Variants in NTRK3 observed in about 807,000 individuals in gnomAD.
NTRK3 encodes the protein neurotrophic receptor tyrosine kinase 3.
NTRK3 carries 24 observed loss-of-function variants against 91.7 expected under a neutral mutation model. The observed-to-expected ratio is 0.26, with a 90% CI of 0.19 to 0.37. The LOEUF is 0.37. Among genes scored for constraint, NTRK3 ranks in the 10% least tolerant of loss-of-function variants. The pLI is 1.00. For synonymous variants in NTRK3, 483 were observed against 404.0 expected, an observed-to-expected ratio of 1.20 and a Z score of -2.34; for missense variants, 880 against 1,068.9, an observed-to-expected ratio of 0.82 and a Z score of 2.46.
intron 14 of NTRK3, among the ~76,000 whole-genome samples, chr15:88,003,983 G>A (rs2076302214): frequency 6.6e-6 from 1 of 151,946 alleles, no homozygotes; most frequent in Non-Finnish European, 1.5e-5. Context: ...CCTGCTTCAG[G>A]GCCACGCACC....
At chr15:87,956,177 T>G (rs1317483150) in intron 14 of NTRK3, among the ~76,000 whole-genome samples, 1 of 152,166 alleles carries the variant, frequency 6.6e-6, no homozygotes, top group East Asian at 1.9e-4. Flanking sequence ...AGATGGAAAC[T>G]GATTTTTCAT....
chr15:88,092,531 C>T (rs2049117454), intron 13 of NTRK3, among the ~76,000 whole-genome samples: 1 of 152,214 alleles, frequency 6.6e-6, no homozygotes, highest in Admixed American at 6.5e-5. Flanking sequence ...ACAAGCCAGA[C>T]TGGCCAGAGG....
intron 10 of NTRK3, among the ~76,000 whole-genome samples, chr15:88,130,997 T>C (rs2041279899): frequency 6.6e-6 from 1 of 152,258 alleles, no homozygotes; most frequent in African/African-American, 2.4e-5. Flanking sequence ...TGTATGATTT[T>C]GTAACTTTTT....
chr15:88,135,001 A>T (rs1001723356), intron 10 of NTRK3, 100 bp downstream of exon 10: 1 of 1,371,390 alleles, frequency 7.3e-7, no homozygotes. Flanking sequence ...TGATAACAGT[A>T]TGAGTACTGA....
chr15:87,869,612 G>C, exon 19 of NTRK3: 1 of 209,616 alleles, frequency 4.8e-6, no homozygotes, highest in South Asian at 1.9e-4. Flanking sequence ...TGAGAAGCTG[G>C]ATTGTCAGTC....
intron 3 of NTRK3, among the ~76,000 whole-genome samples, chr15:88,246,821 C>G (rs2052872577): frequency 6.6e-6 from 1 of 152,206 alleles, no homozygotes; most frequent in Admixed American, 6.5e-5. Context: ...AGGGTCATCT[C>G]GGCGGAGAGA....
rs1055222292 is a variant in NTRK3 at position 88,233,797 on chromosome 15, C to T, written c.248+22109G>A. Among the ~76,000 whole-genome samples the T allele has an allele frequency of 6.6e-6, 1 of 151,898 alleles. No individual in the cohort carries two copies. Among genetic ancestry groups the T allele is most frequent in the Non-Finnish European group, 1.5e-5 (1 of 68,018 alleles). ...CCTCCCCTGACATCCAGTGCTCCCC[C>T]TCCCTGCCTTGTCCAAGAGAATCTC... On this transcript the variant is annotated intron_variant, in intron 3 of 18. Coordinates refer to ENST00000394480, the Ensembl canonical transcript of NTRK3. This position sits in a 1 kb window ranked among gnomAD's most constrained non-coding sequence, Gnocchi z 4.2.
chr15:88,203,450 C>A (rs1217932254), intron 3 of NTRK3, among the ~76,000 whole-genome samples: 1 of 152,128 alleles, frequency 6.6e-6, no homozygotes, highest in Non-Finnish European at 1.5e-5. Context: ...GCATTTACCC[C>A]CCTAATCTCA....
intron 14 of NTRK3, among the ~76,000 whole-genome samples, chr15:87,991,412 C>T (rs548212669): frequency 2.0e-5 from 3 of 152,260 alleles, no homozygotes; most frequent in South Asian, 4.1e-4. Context: ...CTGCTCTAGC[C>T]GTCTGCTCCT....
intron 5 of NTRK3, among the ~76,000 whole-genome samples, chr15:88,171,987 A>C (rs575506890): frequency 1.3e-5 from 2 of 152,382 alleles, no homozygotes; most frequent in Admixed American, 1.3e-4. Flanking sequence ...GATGGGTTTC[A>C]AGGTGCATCT....
intron 7 of NTRK3, among the ~76,000 whole-genome samples, chr15:88,137,195 C>A (rs1052967988): frequency 1.3e-5 from 2 of 152,192 alleles, no homozygotes; most frequent in African/African-American, 2.4e-5. Flanking sequence ...TTCCTGAAAC[C>A]AGTCTTCCTA....
At chr15:88,156,217 C>A (rs1269254647) in intron 5 of NTRK3, among the ~76,000 whole-genome samples, 1 of 152,168 alleles carries the variant, frequency 6.6e-6, no homozygotes, top group African/African-American at 2.4e-5. Context: ...GAGTAGCTGC[C>A]AGCATCCTCT....
chr15:88,103,439 A>G (rs972265707), intron 13 of NTRK3, among the ~76,000 whole-genome samples: 7 of 152,090 alleles, frequency 4.6e-5, no homozygotes, highest in African/African-American at 7.2e-5. Flanking sequence ...AATCACACAC[A>G]CACAACGACG....
Position 88,087,209 on chromosome 15 carries a change from G to C in NTRK3, c.1396+39062C>G, listed in dbSNP as rs532414451. On this transcript the variant is annotated intron_variant, in intron 13 of 18. Coordinates refer to ENST00000394480, the Ensembl canonical transcript of NTRK3. ...GGAGTCATGAAACGCATGCGTGTGT[G>C]AAAGTGAGAACAGTACTGCAGAGTA... Among the ~76,000 whole-genome samples the C allele has an allele frequency of 2.2e-4, 33 of 152,330 alleles. No homozygotes were observed. In the South Asian group the frequency reaches 6.6e-3, roughly 31 times the overall value.
chr15:87,942,966 C>G (rs2070046332), intron 14 of NTRK3, among the ~76,000 whole-genome samples: 1 of 152,266 alleles, frequency 6.6e-6, no homozygotes, highest in African/African-American at 2.4e-5. Flanking sequence ...GCAGGGTTGC[C>G]AAGTTACTTG....
intron 6 of NTRK3, among the ~76,000 whole-genome samples, chr15:88,138,470 A>T (rs2042086820): frequency 6.6e-6 from 1 of 152,164 alleles, no homozygotes. Flanking sequence ...AAAACCCTCC[A>T]ATGGCCTTCC....
rs538330597 is a variant in NTRK3, at chr15:87,974,247, G to A, written c.1586-33494C>T. ...AGCTTGGCTGCAGAAAGGGATTCCC[G>A]CACAAAAGAAGAGACAGAGGTGGCT... On this transcript the variant is annotated intron_variant, in intron 14 of 18. Coordinates refer to ENST00000394480, the Ensembl canonical transcript of NTRK3. Among the ~76,000 whole-genome samples, 8 of 151,240 alleles carry A rather than the reference G, an allele frequency of 5.3e-5. No individual in the cohort carries two copies. In the East Asian group the frequency reaches 5.8e-4, roughly 11 times the overall value.
intron 15 of NTRK3, among the ~76,000 whole-genome samples, chr15:87,935,511 G>C (rs1039592014): frequency 6.6e-6 from 1 of 152,206 alleles, no homozygotes; most frequent in African/African-American, 2.4e-5. Context: ...GCCTTGAGCT[G>C]TATGGGCTGG....
intron 13 of NTRK3, chr15:88,072,289 C>A (rs138478107): frequency 6.5e-4 from 119 of 183,558 alleles, no homozygotes; most frequent in African/African-American, 2.8e-3. Context: ...CAGGCATAAG[C>A]TACCGCGCCT....
Sources: allele counts gnomAD v4.1 joint callset (sites outside exome capture counted in the v4.1 genomes callset), GRCh38; gene constraint gnomAD v4.1.1; non-coding constraint Gnocchi (gnomAD v3.1); transcripts MANE v1.5; gene names NCBI Gene and HGNC (gene_info 2026-07-23, HGNC 2026-07-21).